Variants in GCLC observed in about 807,000 individuals in gnomAD.
GCLC encodes glutamate--cysteine ligase catalytic subunit.
A neutral mutation model predicts 81.5 loss-of-function variants in GCLC; 30 were observed. That is an observed-to-expected ratio of 0.37 (90% CI 0.28 to 0.50). GCLC has a LOEUF of 0.50. Among genes scored for constraint, GCLC ranks in the 20% least tolerant of loss-of-function variants. GCLC has a pLI of 0.96. For missense variants in GCLC, 556 were observed against 777.4 expected (o/e 0.72, Z 3.39); for synonymous variants, 262 against 273.3 (o/e 0.96, Z 0.41).
At position 53,506,890 on chromosome 6, in the gene GCLC, T is replaced by TA. The variant is rs757808144; in HGVS notation, c.1197+22dup. 1.2e-5 allele frequency: 14 copies of TA among 1,213,506 alleles called. No individual in the cohort carries two copies. Among genetic ancestry groups the TA allele is most frequent in the Non-Finnish European group, 1.6e-5 (13 of 816,516 alleles). The allele number at this position is 1,213,506 out of a possible 1,614,324, so 75.2% of individuals were successfully genotyped here. A position where few individuals can be genotyped will look rare whatever the true frequency, so the allele number is the denominator to read the frequency against. ...TCTCAGAAGTCAATACATAAATAAATAAAAATAAAACTGAGAAGATACCTC... is the reference window on the plus strand; with the variant it reads ...TCTCAGAAGTCAATACATAAATAAATAAAAAATAAAACTGAGAAGATACCTC... On this transcript the variant is annotated intron_variant, in intron 10 of 15. Transcript: ENST00000650454. The surrounding 1 kb of genome is among the most constrained non-coding windows in gnomAD (Gnocchi z 4.0).
At position 53,505,887 on chromosome 6, in the gene GCLC, C is replaced by T; in HGVS notation, c.1206G>A (p.Gln402=). Residue 402 remains glutamine, a synonymous_variant, in exon 11 of 16, where the codon CAG becomes CAA. Coordinates refer to ENST00000650454, the MANE Select transcript of GCLC (RefSeq NM_001498.4). ...ATCTCATTGTCTGCCAATTTGTGGA[C>T]TGAATATTCTGTGATACAAAAGCAG... ...ANESDHFENI[Q]STNWQTMRFK... 6.3e-7 allele frequency: 1 copy of T among 1,597,532 alleles called. No homozygotes were observed. Among genetic ancestry groups the T allele is most frequent in the African/African-American group, 1.3e-5 (1 of 74,674 alleles).
In GCLC at chr6:53,498,983, G is replaced by T; in HGVS notation, c.1703-16C>A. 1 of 1,548,702 alleles carries T rather than the reference G, an allele frequency of 6.5e-7. No individual in the cohort carries two copies. Among genetic ancestry groups the T allele is most frequent in the Admixed American group, 1.8e-5 (1 of 54,628 alleles). On this transcript the variant is annotated splice_polypyrimidine_tract_variant and intron_variant, in intron 15 of 15. Transcript: ENST00000650454. ...ATTAGTTCTCCTGTGGGCGAGGGGG[G>T]AGCGAAAAAAAAATTAAAACCACGT... is the stretch of plus-strand genomic sequence containing the variant.
intron 15 of GCLC, among the ~76,000 whole-genome samples, chr6:53,499,546 AACAGCTG>A (rs1764461984): frequency 6.6e-6 from 1 of 152,194 alleles, no homozygotes; most frequent in South Asian, 2.1e-4. Context: ...TCACTTTATT[AACAGCTG>A]ACAGCTCCCT....
intron 1 of GCLC, among the ~76,000 whole-genome samples, chr6:53,535,477 G>A (rs536637950): frequency 2.0e-5 from 3 of 152,114 alleles, no homozygotes; most frequent in Admixed American, 2.0e-4. Context: ...TTGCACCGCT[G>A]CACTACAGCC....
rs763998645 is a variant in GCLC at position 53,544,586 on chromosome 6, G to A, written c.60C>T (p.Asp20=). 2 of 1,605,726 alleles carry A rather than the reference G, an allele frequency of 1.2e-6. No homozygotes were observed. The highest frequency in any genetic ancestry group is 4.5e-5 in the East Asian group (2 of 44,824). ...GGAGGATCCCGTGCCGCCGCACGTG[G>A]TCGGCATGGCGCTTGGTTTCCTCCC... ...LSWEETKRHA[D]HVRRHGILQF... Residue 20 remains aspartate (D), a synonymous_variant, in exon 1 of 16, where the codon GAC becomes GAT. Transcript: ENST00000650454.
At position 53,506,656 on chromosome 6, in the gene GCLC, T is replaced by TA. The variant is rs559935579; in HGVS notation, c.1197+256dup. 12,651 of 359,844 alleles carry TA rather than the reference T, an allele frequency of 0.035. No individual in the cohort carries two copies. Among genetic ancestry groups the TA allele is most frequent in the Middle Eastern group, 0.045 (54 of 1,188 alleles). 22.3% of individuals were successfully genotyped at this position (359,844 alleles called of 1,614,324 possible). On this transcript the variant is annotated intron_variant, in intron 10 of 15. Coordinates refer to ENST00000650454, the MANE Select transcript of GCLC (RefSeq NM_001498.4). This position sits in a 1 kb window ranked among gnomAD's most constrained non-coding sequence, Gnocchi z 4.0. The stretch of plus-strand genomic sequence containing the variant: ...AGGCAAATAAGAAAATACTGAACAA[T>TA]AAAAAAAAAAATTAGAATCAGTGAG...
At chr6:53,515,893 T>C (rs1420965375) in intron 4 of GCLC, among the ~76,000 whole-genome samples, 1 of 152,124 alleles carries the variant, frequency 6.6e-6, no homozygotes, top group Non-Finnish European at 1.5e-5. Flanking sequence ...ACTTGGAGAA[T>C]TGACAAATCA....
intron 3 of GCLC, 33 bp downstream of exon 3, chr6:53,520,745 G>T (rs746874416): frequency 6.4e-7 from 1 of 1,572,156 alleles, no homozygotes; most frequent in Non-Finnish European, 8.8e-7. Context: ...ATCTCTGAGA[G>T]ATCTGCTGGG....
intron 1 of GCLC, among the ~76,000 whole-genome samples, chr6:53,533,371 G>A (rs1168586782): frequency 1.3e-5 from 2 of 152,034 alleles, no homozygotes; most frequent in African/African-American, 4.8e-5. Context: ...GTTGCCAGAC[G>A]CCCCCAGTAC....
At position 53,537,218 on chromosome 6, in the gene GCLC, T is replaced by C. The variant is rs150673959; in HGVS notation, c.150+7278A>G. Among the ~76,000 whole-genome samples the C allele has an allele frequency of 5.3e-5, 8 of 152,236 alleles. No individual in the cohort carries two copies. In the East Asian group the frequency reaches 1.5e-3, roughly 29 times the overall value. ...AGAATCAACTGAAGTGCTCTCCCCC[T>C]CTCTCTCTAGCATACACGCATGCAC... is the stretch of plus-strand genomic sequence containing the variant. On this transcript the variant is annotated intron_variant, in intron 1 of 15. Transcript: ENST00000650454.
intron 1 of GCLC, among the ~76,000 whole-genome samples, chr6:53,523,001 T>C (rs1763023943): frequency 6.6e-6 from 1 of 152,228 alleles, no homozygotes; most frequent in Non-Finnish European, 1.5e-5. Context: ...ATAATCCCAC[T>C]ACCAGTCCCA....
At chr6:53,544,230 T>A (rs1438363314) in intron 1 of GCLC, among the ~76,000 whole-genome samples, 3 of 152,166 alleles carry the variant, frequency 2.0e-5, no homozygotes, top group Non-Finnish European at 2.9e-5. Flanking sequence ...GCTCACGCCC[T>A]CCCAGCGCCC....
rs1762977117 is a variant in GCLC, at chr6:53,520,712, G to A, written c.446+66C>T. The A allele has an allele frequency of 1.7e-5, 23 of 1,350,214 alleles. 2 individuals carry two copies. The South Asian group carries it at 2.5e-4, about 14-fold the overall frequency. The allele number at this position is 1,350,214 out of a possible 1,614,324, so 83.6% of individuals were successfully genotyped here. A position where few individuals can be genotyped will look rare whatever the true frequency, so the allele number is the denominator to read the frequency against. On this transcript the variant is annotated intron_variant, in intron 3 of 15. Transcript: ENST00000650454. ...TTGTAAGGTGGAATGCCCGGGTCGT[G>A]ACTTGCTCTTTTCATTACCTGTATC...
At chr6:53,507,337 T>C (rs1274839240) in intron 9 of GCLC, 143 bp downstream of exon 9, 2 of 820,116 alleles carry the variant, frequency 2.4e-6, no homozygotes. Context: ...CCTGAAACTT[T>C]AGGAACAAGT....
At chr6:53,541,989 TC>T (rs1763366035) in intron 1 of GCLC, among the ~76,000 whole-genome samples, 1 of 152,112 alleles carries the variant, frequency 6.6e-6, no homozygotes, top group Non-Finnish European at 1.5e-5. Flanking sequence ...TATCTCAGCC[TC>T]CCGAGTAGTT....
intron 1 of GCLC, among the ~76,000 whole-genome samples, chr6:53,543,457 A>C (rs892102951): frequency 4.6e-5 from 7 of 152,220 alleles, no homozygotes; most frequent in East Asian, 1.9e-4. Context: ...AAAAAAAAAA[A>C]AACTAACTTT....
chr6:53,532,069 T>C (rs1309261546), intron 1 of GCLC, among the ~76,000 whole-genome samples: 1 of 152,258 alleles, frequency 6.6e-6, no homozygotes, highest in Non-Finnish European at 1.5e-5. Flanking sequence ...CTTTAGAGCA[T>C]ATGTTTTCTT....
rs769131520 is a variant in GCLC, at chr6:53,505,814, G to T, written c.1279C>A (p.Arg427=). ...NSDIGWRVEF[R]PMEVQLTDFE... ...TGCATGTGTCTTACCTCCATGGGTCGAAATTCTACTCTCCATCCAATGTCT... is the reference window on the plus strand; with the variant it reads ...TGCATGTGTCTTACCTCCATGGGTCTAAATTCTACTCTCCATCCAATGTCT... Residue 427 remains arginine, a synonymous_variant, in exon 11 of 16, where the codon CGA becomes AGA. Coordinates refer to ENST00000650454, the MANE Select transcript of GCLC (RefSeq NM_001498.4). 1 of 1,602,058 alleles carries T rather than the reference G, an allele frequency of 6.2e-7. No individual in the cohort carries two copies. The highest frequency in any genetic ancestry group is 1.1e-5 in the South Asian group (1 of 90,834).
At chr6:53,530,239 T>C (rs1453615072) in intron 1 of GCLC, among the ~76,000 whole-genome samples, 2 of 152,180 alleles carry the variant, frequency 1.3e-5, no homozygotes, top group Non-Finnish European at 2.9e-5. Context: ...TTAATGCCAT[T>C]CCACCATCAT....
Sources: allele counts gnomAD v4.1 joint callset (sites outside exome capture counted in the v4.1 genomes callset), GRCh38; gene constraint gnomAD v4.1.1; non-coding constraint Gnocchi (gnomAD v3.1); transcripts MANE v1.5; gene names NCBI Gene and HGNC (gene_info 2026-07-23, HGNC 2026-07-21).